The following ZFHX3 variants were observed in gnomAD, a reference collection of about 807,000 sequenced individuals.
ZFHX3 encodes zinc finger homeobox protein 3.
In ZFHX3, 42 loss-of-function variants were observed where a neutral mutation model predicts 279.1. The observed-to-expected ratio is 0.15, with a 90% CI of 0.12 to 0.19. The LOEUF is 0.19. Ranked by LOEUF, ZFHX3 falls within the 10% of genes least tolerant of loss-of-function variation. The pLI is 1.00. For synonymous variants in ZFHX3, 2,293 were observed against 1,957.8 expected (o/e 1.17, Z -4.52); for missense variants, 4,981 against 4,754.0 (o/e 1.05, Z -1.40).
chr16:73,756,881 C>A (rs2053815362), intron 1 of ZFHX3, among the ~76,000 whole-genome samples: 1 of 152,012 alleles, frequency 6.6e-6, no homozygotes, highest in East Asian at 1.9e-4. Flanking sequence ...ATTTATGACG[C>A]AAGGAATAAC....
chr16:73,255,439 C>T (rs1419487746), intron 5 of ZFHX3, among the ~76,000 whole-genome samples: 2 of 152,200 alleles, frequency 1.3e-5, no homozygotes, highest in African/African-American at 2.4e-5. Context: ...CATGAAGGGG[C>T]ACTTGTTAGT....
At chr16:73,537,927 G>A (rs997440476) in intron 2 of ZFHX3, among the ~76,000 whole-genome samples, 2 of 152,192 alleles carry the variant, frequency 1.3e-5, no homozygotes, top group African/African-American at 4.8e-5. Flanking sequence ...TCTTGAAAAG[G>A]CCATTACTAA....
At chr16:73,218,583 A>C (rs2012295697) in intron 5 of ZFHX3, among the ~76,000 whole-genome samples, 1 of 152,180 alleles carries the variant, frequency 6.6e-6, no homozygotes, top group African/African-American at 2.4e-5. Flanking sequence ...AGCCTGGCCA[A>C]CATGGCAAAA....
chr16:73,341,539 T>C (rs1430706513), intron 3 of ZFHX3, among the ~76,000 whole-genome samples: 1 of 152,214 alleles, frequency 6.6e-6, no homozygotes, highest in African/African-American at 2.4e-5. Context: ...CTCACAGAGT[T>C]GCCATATGAC....
intron 5 of ZFHX3, among the ~76,000 whole-genome samples, chr16:73,201,156 G>C (rs1338100710): frequency 6.6e-6 from 1 of 152,210 alleles, no homozygotes; most frequent in Non-Finnish European, 1.5e-5. Flanking sequence ...GAGACAGTGA[G>C]AGCCAAAGCA....
At chr16:73,619,412 C>T (rs763542865) in intron 2 of ZFHX3, among the ~76,000 whole-genome samples, 1 of 151,148 alleles carries the variant, frequency 6.6e-6, no homozygotes, top group African/African-American at 2.4e-5. Flanking sequence ...GGCATGAACC[C>T]GGGAGGCAGA....
At chr16:73,613,549 T>C (rs1444796530) in intron 2 of ZFHX3, among the ~76,000 whole-genome samples, 1 of 152,128 alleles carries the variant, frequency 6.6e-6, no homozygotes, top group Non-Finnish European at 1.5e-5. Flanking sequence ...ATGGTTGTGA[T>C]TTGCTCTTTT....
chr16:72,863,722 T>C (rs2037944114), intron 4 of ZFHX3, among the ~76,000 whole-genome samples: 1 of 152,112 alleles, frequency 6.6e-6, no homozygotes, highest in Non-Finnish European at 1.5e-5. Context: ...ACTCTACTTG[T>C]GGATATGTTT....
intron 5 of ZFHX3, among the ~76,000 whole-genome samples, chr16:73,165,425 T>A (rs1283840083): frequency 6.6e-6 from 1 of 152,164 alleles, no homozygotes; most frequent in Non-Finnish European, 1.5e-5. Context: ...AGGAACCCCA[T>A]CCACACTCTG....
At chr16:72,942,392 C>G (rs1960453515) in intron 3 of ZFHX3, among the ~76,000 whole-genome samples, 1 of 152,168 alleles carries the variant, frequency 6.6e-6, no homozygotes, top group Non-Finnish European at 1.5e-5. Context: ...GCGAAGAATT[C>G]CACGGTGTGA....
At chr16:73,511,618 T>A (rs1450555321) in intron 2 of ZFHX3, among the ~76,000 whole-genome samples, 1 of 152,150 alleles carries the variant, frequency 6.6e-6, no homozygotes, top group African/African-American at 2.4e-5. Flanking sequence ...TAACTATCAA[T>A]CCAAGGTAGC....
intron 3 of ZFHX3, among the ~76,000 whole-genome samples, chr16:73,376,290 G>C (rs986878473): frequency 7.9e-5 from 12 of 152,134 alleles, no homozygotes; most frequent in Non-Finnish European, 1.5e-4. Flanking sequence ...TTAAATCCTA[G>C]AACAGTTCAA....
At chr16:73,557,980 GCAATTATACCTCAGAAAAC>G (rs2020312453) in intron 2 of ZFHX3, among the ~76,000 whole-genome samples, 1 of 152,150 alleles carries the variant, frequency 6.6e-6, no homozygotes, top group African/African-American at 2.4e-5. Flanking sequence ...CTGCATCAAA[GCAATTATACCTCAGAAAAC>G]CAAATTCCAT....
intron 3 of ZFHX3, among the ~76,000 whole-genome samples, chr16:72,931,135 A>C (rs1047482894): frequency 6.6e-6 from 1 of 152,100 alleles, no homozygotes; most frequent in Non-Finnish European, 1.5e-5. Flanking sequence ...CAGTCCTCCT[A>C]GTACCCATTC....
chr16:73,007,837 G>T (rs1445827056), intron 1 of ZFHX3, among the ~76,000 whole-genome samples: 2 of 152,138 alleles, frequency 1.3e-5, no homozygotes, highest in Non-Finnish European at 2.9e-5. Context: ...CCATGTCACT[G>T]GGATTTTCAA....
intron 5 of ZFHX3, among the ~76,000 whole-genome samples, chr16:73,237,361 T>C (rs1226897167): frequency 6.6e-6 from 1 of 152,070 alleles, no homozygotes; most frequent in African/African-American, 2.4e-5. Flanking sequence ...TCCTCTCACC[T>C]CAGCCTCTTA....
chr16:73,608,636 G>A (rs560841064), intron 2 of ZFHX3: 3 of 152,010 alleles, frequency 2.0e-5, no homozygotes, highest in South Asian at 4.2e-4. Flanking sequence ...ATGCGTTCTC[G>A]TGTCTTTTCC....
At chr16:73,490,483 CTA>C (rs776635052) in intron 2 of ZFHX3, among the ~76,000 whole-genome samples, 7 of 152,320 alleles carry the variant, frequency 4.6e-5, no homozygotes, top group Non-Finnish European at 1.0e-4. Context: ...AATTGAATTG[CTA>C]TGTTACGTAA....
intron 1 of ZFHX3, among the ~76,000 whole-genome samples, chr16:73,691,898 A>G (rs1035412668): frequency 3.3e-5 from 5 of 152,206 alleles, no homozygotes; most frequent in Admixed American, 1.3e-4. Context: ...TATGCGAAAG[A>G]TCTGAAGAGC....
Sources: allele counts gnomAD v4.1 joint callset (sites outside exome capture counted in the v4.1 genomes callset), GRCh38; gene constraint gnomAD v4.1.1; transcripts MANE v1.5; gene names NCBI Gene and HGNC (gene_info 2026-07-23, HGNC 2026-07-21).